KAZN: variants seen among roughly 807,000 people sequenced by gnomAD.
The protein encoded by KAZN is kazrin, periplakin interacting protein, also known as kazrin.
KAZN carries 40 observed loss-of-function variants against 87.4 expected under a neutral mutation model. The observed-to-expected ratio is 0.46, with a 90% CI of 0.36 to 0.60. The LOEUF is 0.60. Ranked by LOEUF, KAZN falls within the 20% of genes least tolerant of loss-of-function variation. The pLI, the probability that KAZN is intolerant of heterozygous loss-of-function variation, is 0.00. For synonymous variants in KAZN, 466 were observed against 458.3 expected (o/e 1.02, Z -0.22); for missense variants, 898 against 1,073.9 (o/e 0.84, Z 2.29).
chr1:14,432,826 T>C (rs1666152999), intron 2 of KAZN, among the ~76,000 whole-genome samples: 1 of 152,194 alleles, frequency 6.6e-6, no homozygotes, highest in South Asian at 2.1e-4. Context: ...ATGCGGTGTT[T>C]GGTTTTCTGT....
At chr1:14,868,123 C>T (rs977343707) in intron 1 of KAZN, among the ~76,000 whole-genome samples, 1 of 151,640 alleles carries the variant, frequency 6.6e-6, no homozygotes, top group Non-Finnish European at 1.5e-5. Flanking sequence ...CATACACGGG[C>T]ATCACATAGC....
At chr1:14,478,274 A>AAGGAAGGAAGGAAGG (rs1553178148) in intron 2 of KAZN, among the ~76,000 whole-genome samples, 5,734 of 111,446 alleles carry the variant, frequency 0.051, 208 homozygotes, top group East Asian at 0.15. Context: ...AGGAAGGAAG[A>AAGGAAGGAAGGAAGG]AAGGAAGGAA....
At chr1:14,411,222 T>C (rs1281986558) in intron 2 of KAZN, among the ~76,000 whole-genome samples, 1 of 152,174 alleles carries the variant, frequency 6.6e-6, no homozygotes, top group Non-Finnish European at 1.5e-5. Flanking sequence ...CAATGGATAA[T>C]ATCTTTAAAT....
intron 1 of KAZN, among the ~76,000 whole-genome samples, chr1:14,601,893 A>T (rs1677011258): frequency 6.6e-6 from 1 of 152,242 alleles, no homozygotes; most frequent in South Asian, 2.1e-4. Flanking sequence ...GCACATATTA[A>T]ATGCATGCTA....
chr1:14,090,751 G>T (rs1272023645), intron 1 of KAZN, among the ~76,000 whole-genome samples: 4 of 152,114 alleles, frequency 2.6e-5, no homozygotes, highest in African/African-American at 4.8e-5. Flanking sequence ...TCTGTCTGCT[G>T]CTCTCTGGCC....
At chr1:14,936,423 T>C (rs1301336701) in intron 1 of KAZN, among the ~76,000 whole-genome samples, 1 of 152,196 alleles carries the variant, frequency 6.6e-6, no homozygotes, top group African/African-American at 2.4e-5. Flanking sequence ...TTCTCAGGAC[T>C]TTCTTGGTTC....
chr1:14,160,575 G>A (rs565721128), intron 1 of KAZN, among the ~76,000 whole-genome samples: 1 of 152,298 alleles, frequency 6.6e-6, no homozygotes, highest in African/African-American at 2.4e-5. Context: ...GCTCACCTGA[G>A]TTTTGGCTCT....
At chr1:14,385,385 GTTCTT>G (rs1305801339) in intron 2 of KAZN, among the ~76,000 whole-genome samples, 1 of 151,994 alleles carries the variant, frequency 6.6e-6, no homozygotes, top group Non-Finnish European at 1.5e-5. Flanking sequence ...TGCTTTTCTA[GTTCTT>G]TTAATTGTGA....
intron 2 of KAZN, among the ~76,000 whole-genome samples, chr1:14,328,709 A>G (rs1034702615): frequency 6.6e-6 from 1 of 151,466 alleles, no homozygotes; most frequent in Admixed American, 6.6e-5. Flanking sequence ...TCTCAAAAAA[A>G]AAGAAACTCT....
chr1:14,568,091 T>G (rs889341777), intron 2 of KAZN, among the ~76,000 whole-genome samples: 7 of 152,214 alleles, frequency 4.6e-5, no homozygotes, highest in African/African-American at 1.7e-4. Context: ...GGGATTACTG[T>G]GGGTGGGCCT....
chr1:14,808,359 C>T (rs1472186981), intron 1 of KAZN, among the ~76,000 whole-genome samples: 4 of 126,782 alleles, frequency 3.2e-5, no homozygotes, highest in Non-Finnish European at 4.7e-5. Flanking sequence ...TGCAGTGGTT[C>T]GATCTCAGTT....
At chr1:13,955,861 T>C (rs916747374) in intron 1 of KAZN, among the ~76,000 whole-genome samples, 1 of 152,212 alleles carries the variant, frequency 6.6e-6, no homozygotes, top group Non-Finnish European at 1.5e-5. Context: ...TGGGACTTCT[T>C]AGTACCCCTC....
At chr1:14,775,629 C>T (rs144118025) in intron 1 of KAZN, among the ~76,000 whole-genome samples, 2 of 152,330 alleles carry the variant, frequency 1.3e-5, no homozygotes, top group African/African-American at 2.4e-5. Flanking sequence ...GTAAAACATG[C>T]GCCATGCTGC....
chr1:14,759,052 G>T, intron 1 of KAZN, among the ~76,000 whole-genome samples: 1 of 152,180 alleles, frequency 6.6e-6, no homozygotes, highest in East Asian at 1.9e-4. Context: ...CCTGGACAAT[G>T]AAGGGGATTT....
chr1:14,444,618 CT>C (rs983072404), intron 2 of KAZN, among the ~76,000 whole-genome samples: 36 of 152,040 alleles, frequency 2.4e-4, no homozygotes, highest in Non-Finnish European at 5.1e-4. Flanking sequence ...CGGCCCGATT[CT>C]TTTTTCTGCT....
At chr1:14,905,006 C>A (rs1203584129) in intron 1 of KAZN, among the ~76,000 whole-genome samples, 1 of 152,110 alleles carries the variant, frequency 6.6e-6, no homozygotes, top group Non-Finnish European at 1.5e-5. Flanking sequence ...CGTGATCCGC[C>A]CACCTCGGCC....
At chr1:14,967,856 C>A (rs994702470) in intron 2 of KAZN, among the ~76,000 whole-genome samples, 2 of 152,186 alleles carry the variant, frequency 1.3e-5, no homozygotes, top group Non-Finnish European at 2.9e-5. Context: ...CCATTTTAGA[C>A]CTTTGACCTC....
chr1:14,360,910 C>T (rs567356729), intron 2 of KAZN, among the ~76,000 whole-genome samples: 3 of 152,290 alleles, frequency 2.0e-5, no homozygotes, highest in South Asian at 2.1e-4. Context: ...TCAGGATGCA[C>T]GGGGGTCAGG....
At chr1:15,004,171 C>T (rs888077002) in intron 2 of KAZN, among the ~76,000 whole-genome samples, 29 of 152,278 alleles carry the variant, frequency 1.9e-4, no homozygotes, top group African/African-American at 5.8e-4. Context: ...TGGATGAGAA[C>T]GTCCTGTATT....
Sources: allele counts gnomAD v4.1 joint callset (sites outside exome capture counted in the v4.1 genomes callset), GRCh38; gene constraint gnomAD v4.1.1; transcripts MANE v1.5; gene names NCBI Gene and HGNC (gene_info 2026-07-23, HGNC 2026-07-21).